Variants in NEK1 observed in about 807,000 individuals in gnomAD.
NEK1 encodes serine/threonine-protein kinase Nek1.
A neutral mutation model predicts 182.1 loss-of-function variants in NEK1; 137 were observed. The observed-to-expected ratio is 0.75, with a 90% confidence interval of 0.65 to 0.87. NEK1 has a LOEUF of 0.87. NEK1 is among the 40% of genes least tolerant of loss of function. The probability of loss-of-function intolerance (pLI) is 0.00; values close to 1 mark genes in which losing one functional copy is unlikely to be tolerated. For missense variants in NEK1, 1,391 were observed against 1,494.4 expected, an observed-to-expected ratio of 0.93 and a Z score of 1.14; for synonymous variants, 513 against 492.2, an observed-to-expected ratio of 1.04 and a Z score of -0.56.
intron 19 of NEK1, among the ~76,000 whole-genome samples, chr4:169,515,115 T>C (rs961257989): frequency 1.1e-4 from 17 of 152,168 alleles, no homozygotes; most frequent in African/African-American, 3.6e-4. Flanking sequence ...TGTTAATTTT[T>C]AAATGTTTGG....
Position 169,394,494 on chromosome 4 carries a change from A to C in NEK1, c.*16T>G, listed in dbSNP as rs1730371573. 7.2e-7 allele frequency: 1 copy of C among 1,393,794 alleles called. No homozygotes were observed. Among genetic ancestry groups the C allele is most frequent in the Non-Finnish European group, 1.0e-6 (1 of 1,003,198 alleles). The allele number at this position is 1,393,794 out of a possible 1,614,324, so 86.3% of individuals were successfully genotyped here. ...AATGCTTTCATATAGTTGAGGATTA[A>C]AAAACATTTTGAGGATTATTCATCA... On this transcript the variant is annotated 3_prime_UTR_variant, in exon 36 of 36. Coordinates refer to ENST00000507142, the MANE Select transcript of NEK1 (RefSeq NM_001199397.3).
At chr4:169,502,226 C>A (rs913163502) in intron 23 of NEK1, among the ~76,000 whole-genome samples, 5 of 139,082 alleles carry the variant, frequency 3.6e-5, no homozygotes, top group South Asian at 2.3e-4. Context: ...ATAATGAGTA[C>A]AAAATTGAAA....
intron 27 of NEK1, among the ~76,000 whole-genome samples, chr4:169,446,060 C>G (rs1740497637): frequency 6.6e-6 from 1 of 151,592 alleles, no homozygotes; most frequent in Admixed American, 6.6e-5. Context: ...CAGAATGGTG[C>G]TTATCAGAAG....
In NEK1 at chr4:169,424,798, G is replaced by C. The variant is rs745888585; in HGVS notation, c.2977C>G (p.Pro993Ala). The change falls in exon 31 of 36, where the codon CCT becomes GCT. Residue 993 changes from proline (P) to alanine (A), a missense_variant and splice_region_variant. Physicochemically the swap from Pro to Ala is conservative, Grantham distance 27. Around this residue, in one of 5 missense-constraint regions of NEK1, gnomAD observed 1,216 missense variants for 1,277.6 expected, o/e 0.95. Coordinates refer to ENST00000507142, the MANE Select transcript of NEK1 (RefSeq NM_001199397.3). ...GAGTGCTGAGAATCATTGGTTCCAG[G>C]CTCTGTGGTAGAAAGGAGAGATTAT... ...VDQLSDIHIE[P>A]GTNDSQHSKC... 68 of 1,602,532 alleles carry C rather than the reference G, an allele frequency of 4.2e-5. No individual in the cohort carries two copies. The highest frequency in any genetic ancestry group is 5.2e-5 in the Non-Finnish European group (61 of 1,170,780).
At chr4:169,512,152 T>C (rs1488063961) in intron 19 of NEK1, among the ~76,000 whole-genome samples, 1 of 152,164 alleles carries the variant, frequency 6.6e-6, no homozygotes, top group Non-Finnish European at 1.5e-5. Flanking sequence ...AATCGCTGGT[T>C]CTTGGTATGA....
intron 19 of NEK1, among the ~76,000 whole-genome samples, chr4:169,536,290 T>C (rs562628270): frequency 1.5e-5 from 2 of 134,008 alleles, no homozygotes; most frequent in South Asian, 2.3e-4. Context: ...GAGTGAGAGT[T>C]TGTCTCAAAA....
chr4:169,445,865 T>TATATATATATATATATATATACACACAC (rs569539235), intron 27 of NEK1, among the ~76,000 whole-genome samples: 1 of 143,274 alleles, frequency 7.0e-6, no homozygotes, highest in Admixed American at 6.9e-5. Context: ...TATATATATA[T>TATATATATATATATATATATACACACAC]ACACACACAC....
chr4:169,514,012 G>C (rs1208753001), intron 19 of NEK1, among the ~76,000 whole-genome samples: 1 of 121,842 alleles, frequency 8.2e-6, no homozygotes, highest in Non-Finnish European at 1.6e-5. Flanking sequence ...TTGAGACAGA[G>C]TCTTGCTCTG....
chr4:169,603,273 A>G (rs149226628), intron 2 of NEK1, among the ~76,000 whole-genome samples: 1,970 of 152,272 alleles, frequency 0.013, 55 homozygotes, highest in South Asian at 0.11. Context: ...ACCCTCATTA[A>G]CACTGGTTAT....
chr4:169,480,216 C>T (rs537550192), intron 23 of NEK1, among the ~76,000 whole-genome samples: 1 of 152,196 alleles, frequency 6.6e-6, no homozygotes, highest in South Asian at 2.1e-4. Flanking sequence ...GGGGAGTATA[C>T]ATTTCAAACA....
intron 12 of NEK1, among the ~76,000 whole-genome samples, chr4:169,564,437 A>T (rs1763378926): frequency 6.6e-6 from 1 of 152,132 alleles, no homozygotes; most frequent in Non-Finnish European, 1.5e-5. Context: ...CATTGATATA[A>T]AATTAGTTTT....
chr4:169,435,149 G>C (rs933728243), intron 28 of NEK1, among the ~76,000 whole-genome samples: 4 of 152,192 alleles, frequency 2.6e-5, no homozygotes, highest in African/African-American at 9.7e-5. Context: ...GAGGCTGAAG[G>C]ATCCAATGTC....
intron 18 of NEK1, among the ~76,000 whole-genome samples, chr4:169,550,925 T>C (rs1194813286): frequency 6.6e-6 from 1 of 152,242 alleles, no homozygotes; most frequent in Non-Finnish European, 1.5e-5. Flanking sequence ...TGAATGACCA[T>C]GACAGTGCTA....
chr4:169,519,556 T>TA (rs1755681641), intron 19 of NEK1, among the ~76,000 whole-genome samples: 1 of 101,594 alleles, frequency 9.8e-6, no homozygotes, highest in Non-Finnish European at 2.0e-5. Context: ...ATTATGATGT[T>TA]AGCTGGTTAT....
At chr4:169,545,185 CA>C (rs1168627716) in intron 18 of NEK1, among the ~76,000 whole-genome samples, 3 of 146,578 alleles carry the variant, frequency 2.0e-5, no homozygotes, top group Non-Finnish European at 4.5e-5. Flanking sequence ...ATATATCTCC[CA>C]ATGCTATCCC....
chr4:169,575,048 G>T (rs1013255454), intron 12 of NEK1, among the ~76,000 whole-genome samples: 2 of 152,176 alleles, frequency 1.3e-5, no homozygotes, highest in Admixed American at 1.3e-4. Context: ...AGAAAACTAT[G>T]CAGGGGTGGG....
chr4:169,461,278 T>C (rs1247213129), intron 27 of NEK1, among the ~76,000 whole-genome samples: 1 of 152,152 alleles, frequency 6.6e-6, no homozygotes, highest in East Asian at 1.9e-4. Flanking sequence ...CCCCCTTATC[T>C]ACCTTATGAG....
At chr4:169,426,507 T>TC (rs1736415994) in intron 29 of NEK1, among the ~76,000 whole-genome samples, 1 of 152,210 alleles carries the variant, frequency 6.6e-6, no homozygotes, top group African/African-American at 2.4e-5. Flanking sequence ...AACAACGGCA[T>TC]AGTAAAGAAA....
chr4:169,430,156 C>T (rs1051142471), intron 29 of NEK1, among the ~76,000 whole-genome samples: 4 of 152,088 alleles, frequency 2.6e-5, no homozygotes, highest in Admixed American at 2.0e-4. Context: ...AAAACACTCT[C>T]TCTGCCTTTA....
Sources: gnomAD v4.1 joint callset for allele counts (sites outside exome capture counted in the v4.1 genomes callset) on GRCh38, gnomAD v4.1.1 for gene constraint, gnomAD v4.1.1 regional missense constraint, MANE v1.5 for transcripts, NCBI Gene and HGNC (gene_info 2026-07-23, HGNC 2026-07-21) for gene names.